IPPK: variants seen among roughly 807,000 people sequenced by gnomAD.
IPPK encodes the protein inositol-pentakisphosphate 2-kinase.
Under a neutral mutation model 64.6 loss-of-function variants are expected in IPPK, and 22 were observed. The ratio of observed to expected loss-of-function variants is 0.34; its 90% confidence interval spans 0.24 to 0.49. IPPK has a LOEUF of 0.49. Ranked by LOEUF, IPPK falls within the 20% of genes least tolerant of loss-of-function variation. The pLI is 0.99. For missense variants in IPPK, 532 were observed against 630.7 expected, an observed-to-expected ratio of 0.84 and a Z score of 1.68; for synonymous variants, 262 against 247.2, an observed-to-expected ratio of 1.06 and a Z score of -0.56.
chr9:92,637,907 G>A (rs1851971972), intron 9 of IPPK, 94 bp downstream of exon 9: 1 of 1,337,104 alleles, frequency 7.5e-7, no homozygotes, highest in Non-Finnish European at 9.9e-7. Flanking sequence ...GAGCCCCCAG[G>A]AGGCTGTGCT....
At chr9:92,647,992 G>T in intron 6 of IPPK, 67 bp downstream of exon 6, 1 of 1,002,550 alleles carries the variant, frequency 1.0e-6, no homozygotes, top group Non-Finnish European at 1.5e-6. Flanking sequence ...AACTGTGTGT[G>T]TCCATGCCTC....
At position 92,635,437 on chromosome 9, in the gene IPPK, TGCACCCTGGACTG is replaced by T; in HGVS notation, c.917-142_917-130del. Reference sequence around the variant, plus strand: ...TACGGGCATCACCACAGGCAAGGACTGCACCCTGGACTGGCACTAAGGACAGACGAGATGACGC... The same window carrying T: ...TACGGGCATCACCACAGGCAAGGACTGCACTAAGGACAGACGAGATGACGC... On this transcript the variant is annotated intron_variant, in intron 9 of 12. Coordinates refer to ENST00000287996, the MANE Select transcript of IPPK (RefSeq NM_022755.6). The surrounding 1 kb of genome is among the most constrained non-coding windows in gnomAD (Gnocchi z 4.4). 1 of 946,714 alleles carries T rather than the reference TGCACCCTGGACTG, an allele frequency of 1.1e-6. No homozygotes were observed. The highest frequency in any genetic ancestry group is 2.6e-4 in the Middle Eastern group (1 of 3,900). 58.6% of individuals were successfully genotyped at this position (946,714 alleles called of 1,614,324 possible).
chr9:92,619,600 C>A (rs1369688122), intron 11 of IPPK, 35 bp from the exon 12 acceptor site: 1 of 1,533,916 alleles, frequency 6.5e-7, no homozygotes, highest in Admixed American at 2.0e-5. Context: ...CCAGGTCACA[C>A]AGGAAGCCTC....
chr9:92,621,714 G>A (rs1283831544), intron 11 of IPPK, among the ~76,000 whole-genome samples: 5 of 151,876 alleles, frequency 3.3e-5, no homozygotes, highest in East Asian at 1.9e-4. Flanking sequence ...ACGAGGTCTC[G>A]CTATGTTGCC....
intron 1 of IPPK, among the ~76,000 whole-genome samples, chr9:92,662,477 T>G (rs1276143724): frequency 6.6e-6 from 1 of 151,666 alleles, no homozygotes; most frequent in Admixed American, 6.6e-5. Context: ...GAGCCGAGAT[T>G]GTACCATTGC....
chr9:92,614,488 C>CT lies in IPPK; in HGVS notation c.*1343dup, dbSNP rs1851370222. On this transcript the variant is annotated 3_prime_UTR_variant, in exon 13 of 13. Transcript: ENST00000287996. ...TAAAAGTGTCCAGTTAGATAAGTAT[C>CT]TTTTTGCACCTCTGAGAGTAGAATT... The CT allele has an allele frequency of 6.6e-6, 1 of 152,604 alleles. No homozygotes were observed. The highest frequency in any genetic ancestry group is 2.4e-5 in the African/African-American group (1 of 41,454). The allele number at this position is 152,604 out of a possible 1,614,324, so 9.5% of individuals were successfully genotyped here. A position where few individuals can be genotyped will look rare whatever the true frequency, so the allele number is the denominator to read the frequency against.
intron 11 of IPPK, among the ~76,000 whole-genome samples, chr9:92,630,767 G>A (rs1323523): frequency 0.19 from 28,271 of 152,044 alleles, 3,798 homozygotes; most frequent in East Asian, 0.72. Flanking sequence ...TATTGTGTGT[G>A]GACTGGGAGT....
chr9:92,637,927 G>A (rs1851973243), intron 9 of IPPK, 74 bp downstream of exon 9: 2 of 1,409,522 alleles, frequency 1.4e-6, no homozygotes, highest in Non-Finnish European at 9.3e-7. Context: ...TGACCGCCTG[G>A]CCACCCATGG....
At chr9:92,618,622 G>A (rs772797476) in intron 12 of IPPK, 21 of 453,610 alleles carry the variant, frequency 4.6e-5, no homozygotes, top group Admixed American at 4.0e-4. Context: ...ACTTAGCCCT[G>A]TAGGTATTTC....
intron 11 of IPPK, among the ~76,000 whole-genome samples, chr9:92,631,712 G>C (rs1393840377): frequency 6.6e-6 from 1 of 152,210 alleles, no homozygotes; most frequent in East Asian, 1.9e-4. Context: ...ATCACAGCAA[G>C]GTGAGTGATG....
chr9:92,661,946 G>A (rs1446048123), intron 1 of IPPK, among the ~76,000 whole-genome samples: 2 of 152,196 alleles, frequency 1.3e-5, no homozygotes, highest in African/African-American at 4.8e-5. Flanking sequence ...CAGGCAGCTG[G>A]CAGGAAACAG....
chr9:92,652,301 T>C (rs1475658902), intron 4 of IPPK, among the ~76,000 whole-genome samples: 5 of 151,854 alleles, frequency 3.3e-5, no homozygotes, highest in Non-Finnish European at 7.4e-5. Context: ...TACAAAAAAG[T>C]AGCCGAGCAT....
At chr9:92,646,416 C>T (rs995652145) in intron 6 of IPPK, among the ~76,000 whole-genome samples, 31 of 152,164 alleles carry the variant, frequency 2.0e-4, no homozygotes, top group African/African-American at 7.2e-4. Context: ...ATCATGCAAA[C>T]AATGTTCTCC....
rs776827054 is a variant in IPPK at position 92,634,500 on chromosome 9, A to G, written c.1068-12T>C. ...TTTGTAAGGTTTTTCTGAAGAAGAA[A>G]GCACAATAAAAACAGGATGACAAAG... On this transcript the variant is annotated splice_polypyrimidine_tract_variant and intron_variant, in intron 10 of 12. Transcript: ENST00000287996. The G allele has an allele frequency of 1.3e-6, 2 of 1,597,490 alleles. No homozygotes were observed. Among genetic ancestry groups the G allele is most frequent in the East Asian group, 2.2e-5 (1 of 44,812 alleles).
chr9:92,654,992 A>G (rs1024371041), intron 3 of IPPK, among the ~76,000 whole-genome samples: 16 of 152,248 alleles, frequency 1.1e-4, no homozygotes, highest in Non-Finnish European at 1.6e-4. Flanking sequence ...AAGGAGCAAC[A>G]GTGGAAGAAC....
intron 11 of IPPK, among the ~76,000 whole-genome samples, chr9:92,621,435 A>AAGAC (rs370673696): frequency 2.6e-5 from 4 of 152,176 alleles, no homozygotes; most frequent in African/African-American, 9.6e-5. Flanking sequence ...CTTTCCTACA[A>AAGAC]AGACAACTAT....
At chr9:92,648,212 A>G in intron 5 of IPPK, 64 bp from the exon 6 acceptor site, 1 of 1,181,176 alleles carries the variant, frequency 8.5e-7, no homozygotes, top group South Asian at 1.3e-5. Flanking sequence ...CTAAATAGAC[A>G]TATCACTGAC....
chr9:92,618,055 C>A (rs547799911), intron 12 of IPPK: 2 of 353,538 alleles, frequency 5.7e-6, no homozygotes, highest in South Asian at 2.1e-5. Context: ...TAAATCCCAG[C>A]CTTAGTTTGT....
intron 11 of IPPK, among the ~76,000 whole-genome samples, chr9:92,634,081 G>A (rs1455042494): frequency 1.3e-5 from 2 of 152,258 alleles, no homozygotes; most frequent in Non-Finnish European, 2.9e-5. Flanking sequence ...AGTTGGCAGA[G>A]AGCCTGTTGT....
Sources: allele counts gnomAD v4.1 joint callset (sites outside exome capture counted in the v4.1 genomes callset), GRCh38; gene constraint gnomAD v4.1.1; non-coding constraint Gnocchi (gnomAD v3.1); transcripts MANE v1.5; gene names NCBI Gene and HGNC (gene_info 2026-07-23, HGNC 2026-07-21).